The following GIGYF2 variants were observed in gnomAD, a reference collection of about 807,000 sequenced individuals.
GIGYF2 encodes the protein GRB10-interacting GYF protein 2.
In GIGYF2, 25 loss-of-function variants were observed where a neutral mutation model predicts 208.1. The observed-to-expected ratio is 0.12, with a 90% CI of 0.09 to 0.17. The LOEUF (loss-of-function observed/expected upper bound fraction) is 0.17, where lower values mean the gene tolerates loss of function less well. Among genes scored for constraint, GIGYF2 ranks in the 10% least tolerant of loss-of-function variants. GIGYF2 has a pLI of 1.00. For missense variants in GIGYF2, 1,302 were observed against 1,579.4 expected, an observed-to-expected ratio of 0.82 and a Z score of 2.98; for synonymous variants, 534 against 543.8, an observed-to-expected ratio of 0.98 and a Z score of 0.25.
chr2:232,765,701 A>C (rs188588057), intron 8 of GIGYF2: 25 of 233,466 alleles, frequency 1.1e-4, no homozygotes, highest in Non-Finnish European at 1.7e-4. Context: ...ATACCGGTTC[A>C]CTCAGCCCAG....
intron 23 of GIGYF2, among the ~76,000 whole-genome samples, chr2:232,842,222 G>C (rs1307584953): frequency 1.3e-5 from 2 of 151,976 alleles, no homozygotes; most frequent in African/African-American, 4.8e-5. Context: ...ACAGGGTCTT[G>C]CTCTGTCACC....
chr2:232,747,890 C>A, intron 4 of GIGYF2, 146 bp downstream of exon 4: 1 of 752,064 alleles, frequency 1.3e-6, no homozygotes, highest in Admixed American at 2.1e-5. Flanking sequence ...TTGAAGCCTG[C>A]AATAGTTAAC....
rs202001129 is a variant in GIGYF2, at chr2:232,791,228, A to G, written c.1094-30A>G. 1,655 of 1,613,932 alleles carry G rather than the reference A, an allele frequency of 1.0e-3. 6 individuals are homozygous for G. Among genetic ancestry groups the G allele is most frequent in the Non-Finnish European group, 1.3e-3 (1,557 of 1,179,850 alleles). ...TCCTCCATCAAACCAAAACTTTCGT[A>G]AGTTCAACTAAGATTACTTCGTGTT... On this transcript the variant is annotated intron_variant, in intron 11 of 28. Transcript: ENST00000373563.
chr2:232,754,902 T>C (rs1182200912), intron 5 of GIGYF2, among the ~76,000 whole-genome samples: 2 of 152,040 alleles, frequency 1.3e-5, no homozygotes, highest in Admixed American at 6.6e-5. Flanking sequence ...AAAAAAAATC[T>C]TATTTACACT....
chr2:232,752,815 C>T, intron 5 of GIGYF2, among the ~76,000 whole-genome samples: 1 of 152,166 alleles, frequency 6.6e-6, no homozygotes, highest in African/African-American at 2.4e-5. Context: ...GCTGGGATTA[C>T]AGGCATGAGC....
chr2:232,811,348 T>G lies in GIGYF2; in HGVS notation c.2003T>G (p.Met668Arg), dbSNP rs761261641. The G allele has an allele frequency of 1.3e-6, 2 of 1,546,230 alleles. No individual in the cohort carries two copies. The highest frequency in any genetic ancestry group is 1.8e-6 in the Non-Finnish European group (2 of 1,117,992). ...LLLQQFQTLK[M>R]RISDQNIIPS... The stretch of plus-strand genomic sequence containing the variant: ...CTTCAACAGTTTCAGACCTTGAAGA[T>G]GAGGTTGGTGGTCATTCCATTATGT... Residue 668 changes from methionine (M) to arginine (R), a missense_variant, in exon 17 of 29, where the codon ATG becomes AGG. Met to Arg is a moderately conservative substitution (Grantham distance 91, BLOSUM62 -1). Transcript: ENST00000373563.
At chr2:232,799,023 A>G (rs952417910) in intron 14 of GIGYF2, among the ~76,000 whole-genome samples, 2 of 151,582 alleles carry the variant, frequency 1.3e-5, no homozygotes. Context: ...GAATTTTACT[A>G]TTCCGAGCAC....
At chr2:232,713,533 A>T (rs1311937300) in intron 2 of GIGYF2, among the ~76,000 whole-genome samples, 2 of 152,240 alleles carry the variant, frequency 1.3e-5, no homozygotes, top group Non-Finnish European at 2.9e-5. Context: ...ACCAATGTTG[A>T]TACATTGTCA....
In GIGYF2 at chr2:232,860,273, A is replaced by G. The variant is rs1202176369; in HGVS notation, c.*3413A>G. 6.6e-6 allele frequency: 1 copy of G among 152,114 alleles called. No individual in the cohort carries two copies. Among genetic ancestry groups the G allele is most frequent in the Non-Finnish European group, 1.5e-5 (1 of 68,022 alleles). The allele number at this position is 152,114 out of a possible 1,614,324, so 9.4% of individuals were successfully genotyped here. A position where few individuals can be genotyped will look rare whatever the true frequency, so the allele number is the denominator to read the frequency against. ...CAGCCTCCCAAGTAGCTGGGACTAC[A>G]GCTATGTGCCAGTGCACCCAGCTTG... On this transcript the variant is annotated 3_prime_UTR_variant, in exon 29 of 29. Coordinates refer to ENST00000373563, the MANE Select transcript of GIGYF2 (RefSeq NM_001103146.3).
intron 2 of GIGYF2, among the ~76,000 whole-genome samples, chr2:232,727,310 T>C (rs1697245431): frequency 6.6e-6 from 1 of 152,200 alleles, no homozygotes; most frequent in Non-Finnish European, 1.5e-5. Context: ...TATATCTGTT[T>C]ATTAGAAGTT....
intron 8 of GIGYF2, among the ~76,000 whole-genome samples, chr2:232,783,295 T>C (rs1469091838): frequency 6.6e-6 from 1 of 152,228 alleles, no homozygotes; most frequent in African/African-American, 2.4e-5. Flanking sequence ...AAAGAAAGAA[T>C]GATGAGATTT....
intron 8 of GIGYF2, chr2:232,765,410 G>A (rs1265970556): frequency 6.6e-6 from 1 of 152,554 alleles, no homozygotes; most frequent in South Asian, 2.1e-4. Flanking sequence ...TTAAAATTAG[G>A]AATGATGCTT....
chr2:232,775,155 C>T (rs981457750), intron 8 of GIGYF2, among the ~76,000 whole-genome samples: 1 of 151,842 alleles, frequency 6.6e-6, no homozygotes, highest in Non-Finnish European at 1.5e-5. Flanking sequence ...ATTTCTGATT[C>T]CCACTTAACC....
intron 2 of GIGYF2, among the ~76,000 whole-genome samples, chr2:232,711,301 T>C (rs975611243): frequency 3.3e-5 from 5 of 150,024 alleles, no homozygotes; most frequent in African/African-American, 1.2e-4. Flanking sequence ...GGTTTCACCA[T>C]GTTGCCCAGG....
At position 232,790,868 on chromosome 2, in the gene GIGYF2, G is replaced by C. The variant is rs770640392; in HGVS notation, c.883G>C (p.Glu295Gln). 6.2e-7 allele frequency: 1 copy of C among 1,614,160 alleles called. No individual in the cohort carries two copies. The highest frequency in any genetic ancestry group is 2.2e-5 in the East Asian group (1 of 44,874). The change falls in exon 10 of 29, where the codon GAA (glutamate) becomes CAA (glutamine). Residue 295 changes from glutamate to glutamine, a missense_variant. Glu to Gln is a conservative substitution (Grantham distance 29). Around this residue, in one of 8 missense-constraint regions of GIGYF2, gnomAD observed 6 missense variants for 21.5 expected, o/e 0.28. Coordinates refer to ENST00000373563, the MANE Select transcript of GIGYF2 (RefSeq NM_001103146.3). ...LPEWCLEDAE[E>Q]EMGTFDSSGA... Reference sequence around the variant, plus strand: ...CGAATGGTGCTTAGAGGATGCTGAAGAAGAAATGGGTACATTTGACTCATC... The same window carrying C: ...CGAATGGTGCTTAGAGGATGCTGAACAAGAAATGGGTACATTTGACTCATC...
chr2:232,807,564 T>G (rs1229640745), intron 15 of GIGYF2, among the ~76,000 whole-genome samples: 2 of 152,092 alleles, frequency 1.3e-5, no homozygotes, highest in Non-Finnish European at 2.9e-5. Flanking sequence ...AGTAGTGATC[T>G]TTCTAGGGCT....
At chr2:232,698,476 C>G (rs142044171) in intron 1 of GIGYF2, among the ~76,000 whole-genome samples, 4 of 152,176 alleles carry the variant, frequency 2.6e-5, no homozygotes, top group African/African-American at 7.2e-5. Context: ...AATCAAATGA[C>G]TTCCTAGATT....
At chr2:232,748,178 A>G (rs1698219051) in intron 4 of GIGYF2, among the ~76,000 whole-genome samples, 1 of 152,244 alleles carries the variant, frequency 6.6e-6, no homozygotes, top group South Asian at 2.1e-4. Context: ...ATGTAACACT[A>G]CATTTGTGTC....
chr2:232,826,009 C>T (rs1334348995), intron 21 of GIGYF2, among the ~76,000 whole-genome samples: 1 of 152,170 alleles, frequency 6.6e-6, no homozygotes, highest in East Asian at 1.9e-4. Flanking sequence ...CCAGCTTCAT[C>T]CATGTCCCTG....
Sources: gnomAD v4.1 joint callset for allele counts (sites outside exome capture counted in the v4.1 genomes callset) on GRCh38, gnomAD v4.1.1 for gene constraint, gnomAD v4.1.1 regional missense constraint, MANE v1.5 for transcripts, NCBI Gene and HGNC (gene_info 2026-07-23, HGNC 2026-07-21) for gene names.